MPPED1: variants seen among roughly 807,000 people sequenced by gnomAD.
MPPED1 encodes metallophosphoesterase domain containing 1.
In MPPED1, 16 loss-of-function variants were observed where a neutral mutation model predicts 36.2. The ratio of observed to expected loss-of-function variants is 0.44; its 90% CI spans 0.30 to 0.67. MPPED1 has a LOEUF of 0.67. Ranked by LOEUF, MPPED1 falls within the 30% of genes least tolerant of loss-of-function variation. The pLI is 0.10. For missense variants in MPPED1, 307 were observed against 453.4 expected, an observed-to-expected ratio of 0.68 and a Z score of 2.93; for synonymous variants, 199 against 191.3, an observed-to-expected ratio of 1.04 and a Z score of -0.33.
At chr22:43,462,404 C>T (rs1326380672) in intron 3 of MPPED1, among the ~76,000 whole-genome samples, 5 of 152,220 alleles carry the variant, frequency 3.3e-5, no homozygotes, top group African/African-American at 1.2e-4. Flanking sequence ...TCTTGTTTCT[C>T]GAAGGAACAA....
intron 2 of MPPED1, among the ~76,000 whole-genome samples, chr22:43,426,820 T>G (rs1407241455): frequency 3.3e-5 from 5 of 152,212 alleles, no homozygotes; most frequent in African/African-American, 1.2e-4. Context: ...ACTTTATTTT[T>G]TGGTAGATTT....
chr22:43,500,383 T>A (rs1348317987), intron 5 of MPPED1, among the ~76,000 whole-genome samples: 8 of 146,958 alleles, frequency 5.4e-5, no homozygotes, highest in African/African-American at 1.5e-4. Context: ...GTGGTGGTGG[T>A]GATGGTGATG....
At chr22:43,444,518 C>G (rs745594254) in intron 3 of MPPED1, among the ~76,000 whole-genome samples, 20 of 151,962 alleles carry the variant, frequency 1.3e-4, no homozygotes, top group Admixed American at 9.2e-4. Flanking sequence ...AGGAGCCAGC[C>G]ACCATGCCTA....
intron 4 of MPPED1, among the ~76,000 whole-genome samples, chr22:43,495,522 AGGT>A (rs1282428347): frequency 7.0e-5 from 1 of 14,284 alleles, no homozygotes; most frequent in Admixed American, 7.0e-4. Flanking sequence ...GTGGTGGTGG[AGGT>A]GGTGGTGGTG....
At chr22:43,459,585 T>C (rs181335672) in intron 3 of MPPED1, among the ~76,000 whole-genome samples, 1 of 152,362 alleles carries the variant, frequency 6.6e-6, no homozygotes, top group East Asian at 1.9e-4. Flanking sequence ...TCATTCTTTC[T>C]TCTGCCAGCT....
At chr22:43,457,499 T>C (rs536773519) in intron 3 of MPPED1, among the ~76,000 whole-genome samples, 1 of 152,150 alleles carries the variant, frequency 6.6e-6, no homozygotes, top group Non-Finnish European at 1.5e-5. Flanking sequence ...TTTAAGCATG[T>C]TATGTTTAAT....
intron 4 of MPPED1, among the ~76,000 whole-genome samples, chr22:43,495,581 G>A (rs1300209127): frequency 9.0e-5 from 9 of 99,598 alleles, no homozygotes; most frequent in Admixed American, 1.2e-4. Flanking sequence ...GATGGTGGAG[G>A]TGGTGGTGGT....
At position 43,427,521 on chromosome 22, in the gene MPPED1, G is replaced by C. The variant is rs567886078; in HGVS notation, c.224+2312G>C. On this transcript the variant is annotated intron_variant, in intron 2 of 6. Transcript: ENST00000443721. ...CGTGCAGGAGACACCACAGGCCCCT[G>C]CAGGCCGGGCTGCGTCCTGAGGGAG... Among the ~76,000 whole-genome samples the C allele has an allele frequency of 2.0e-5, 3 of 152,242 alleles. No individual in the cohort carries two copies. The East Asian group carries it at 5.8e-4, about 29-fold the overall frequency.
Position 43,465,350 on chromosome 22 carries a change from A to G in MPPED1, c.407-9386A>G, listed in dbSNP as rs944621850. Among the ~76,000 whole-genome samples, 3 of 152,164 alleles carry G rather than the reference A, an allele frequency of 2.0e-5. No homozygotes were observed. In the South Asian group the frequency reaches 6.2e-4, roughly 32 times the overall value. On this transcript the variant is annotated intron_variant, in intron 3 of 6. Coordinates refer to ENST00000443721, the MANE Select transcript of MPPED1 (RefSeq NM_001044370.2). ...GTTGGTTACCATCCGTGGGCCAGCT[A>G]TTTGGCCTCTGGGGACATCCTGTAG...
intron 3 of MPPED1, among the ~76,000 whole-genome samples, chr22:43,462,464 T>G (rs1171812505): frequency 6.6e-6 from 1 of 152,216 alleles, no homozygotes; most frequent in East Asian, 1.9e-4. Context: ...ACTTTTAGAT[T>G]TCTTATAATG....
At chr22:43,433,869 C>T (rs1929856935) in intron 2 of MPPED1, among the ~76,000 whole-genome samples, 1 of 152,216 alleles carries the variant, frequency 6.6e-6, no homozygotes, top group Admixed American at 6.5e-5. Context: ...ACTCCTCGAG[C>T]AGCATACTCA....
chr22:43,493,546 T>C (rs1417729825), intron 4 of MPPED1, among the ~76,000 whole-genome samples: 2 of 152,164 alleles, frequency 1.3e-5, no homozygotes, highest in African/African-American at 2.4e-5. Context: ...GGCACCCTGT[T>C]GGGGGCCGGC....
At position 43,470,235 on chromosome 22, in the gene MPPED1, T is replaced by A. The variant is rs868817099; in HGVS notation, c.407-4501T>A. On this transcript the variant is annotated intron_variant, in intron 3 of 6. Coordinates refer to ENST00000443721, the MANE Select transcript of MPPED1 (RefSeq NM_001044370.2). Reference sequence around the variant, plus strand: ...ATCCATCCATGTATGCATCTATATATCCATCCGTCTACAAAGCATCCATTC... The same window carrying A: ...ATCCATCCATGTATGCATCTATATAACCATCCGTCTACAAAGCATCCATTC... Among the ~76,000 whole-genome samples the A allele has an allele frequency of 1.0e-4, 15 of 150,666 alleles. 1 individual carries two copies. The highest frequency in any genetic ancestry group is 3.7e-4 in the African/African-American group (15 of 40,658).
intron 3 of MPPED1, among the ~76,000 whole-genome samples, chr22:43,469,849 A>C (rs1382258321): frequency 6.6e-6 from 1 of 152,118 alleles, no homozygotes; most frequent in Non-Finnish European, 1.5e-5. Context: ...CAGTTCACCT[A>C]TCCACCCACC....
intron 1 of MPPED1, among the ~76,000 whole-genome samples, chr22:43,422,596 C>T (rs1335943398): frequency 6.6e-6 from 1 of 152,144 alleles, no homozygotes; most frequent in African/African-American, 2.4e-5. Context: ...TGTCTGGCAC[C>T]CCTTGCTCCT....
intron 4 of MPPED1, among the ~76,000 whole-genome samples, chr22:43,476,687 G>A (rs1350486955): frequency 1.3e-5 from 2 of 152,072 alleles, no homozygotes; most frequent in Admixed American, 6.5e-5. Flanking sequence ...CCTGGCCTCG[G>A]CAGGTGCCTG....
intron 1 of MPPED1, among the ~76,000 whole-genome samples, chr22:43,415,107 G>A (rs1929031080): frequency 6.6e-6 from 1 of 151,712 alleles, no homozygotes; most frequent in Non-Finnish European, 1.5e-5. Flanking sequence ...ATTCCCTGCA[G>A]CCCTCGTTCT....
intron 3 of MPPED1, among the ~76,000 whole-genome samples, chr22:43,460,205 C>T (rs1930899016): frequency 7.4e-6 from 1 of 134,288 alleles, no homozygotes; most frequent in South Asian, 2.7e-4. Context: ...GACTCCATCT[C>T]AAAAAACAAA....
At chr22:43,494,754 C>T (rs530575959) in intron 4 of MPPED1, among the ~76,000 whole-genome samples, 7 of 134,160 alleles carry the variant, frequency 5.2e-5, no homozygotes, top group African/African-American at 2.0e-4. Flanking sequence ...ATTCGGGCTG[C>T]TACAAGAAAA....
Sources: allele counts gnomAD v4.1 joint callset (sites outside exome capture counted in the v4.1 genomes callset), GRCh38; gene constraint gnomAD v4.1.1; transcripts MANE v1.5; gene names NCBI Gene and HGNC (gene_info 2026-07-23, HGNC 2026-07-21).